Variants in PHACTR2 observed in about 807,000 individuals in gnomAD.
PHACTR2 encodes the protein phosphatase and actin regulator 2.
A neutral mutation model predicts 76.0 loss-of-function variants in PHACTR2; 30 were observed. The observed-to-expected ratio is 0.39, with a 90% confidence interval of 0.30 to 0.54. PHACTR2 has a LOEUF of 0.54. Among genes scored for constraint, PHACTR2 ranks in the 20% least tolerant of loss-of-function variants. The pLI, the probability that PHACTR2 is intolerant of heterozygous loss-of-function variation, is 0.61. For missense variants in PHACTR2, 696 were observed against 781.1 expected, an observed-to-expected ratio of 0.89 and a Z score of 1.30; for synonymous variants, 292 against 292.5, an observed-to-expected ratio of 1.00 and a Z score of 0.02.
chr6:143,691,183 T>A (rs1470442763), intron 1 of PHACTR2, among the ~76,000 whole-genome samples: 2 of 152,178 alleles, frequency 1.3e-5, no homozygotes, highest in Non-Finnish European at 2.9e-5. Flanking sequence ...ACTGTACAGA[T>A]GGTCCTCAAC....
chr6:143,576,769 G>A (rs570216885), intron 1 of PHACTR2, among the ~76,000 whole-genome samples: 15 of 151,422 alleles, frequency 9.9e-5, no homozygotes, highest in African/African-American at 3.2e-4. Context: ...TCAGCTACTC[G>A]GTAGGTTGAA....
At chr6:143,551,108 C>T (rs917198843) in intron 1 of PHACTR2, among the ~76,000 whole-genome samples, 3 of 151,900 alleles carry the variant, frequency 2.0e-5, no homozygotes, top group African/African-American at 7.2e-5. Flanking sequence ...AAACTCAAAT[C>T]CATTCTTTAA....
At position 143,708,476 on chromosome 6, in the gene PHACTR2, A is replaced by T. The variant is rs566800160; in HGVS notation, c.47-3540A>T. Among the ~76,000 whole-genome samples, 25 of 152,340 alleles carry T rather than the reference A, an allele frequency of 1.6e-4. No individual in the cohort carries two copies. Among genetic ancestry groups the T allele is most frequent in the African/African-American group, 5.3e-4 (22 of 41,572 alleles). Reference sequence around the variant, plus strand: ...AATTAATGCTGAAAACAATCAGGAAATTTTACCTTTCATCTGGGATTTACC... The same window carrying T: ...AATTAATGCTGAAAACAATCAGGAATTTTTACCTTTCATCTGGGATTTACC... On this transcript the variant is annotated intron_variant, in intron 1 of 12. Coordinates refer to ENST00000440869, the MANE Select transcript of PHACTR2 (RefSeq NM_001100164.2). This position sits in a 1 kb window ranked among gnomAD's most constrained non-coding sequence, Gnocchi z 5.5.
intron 2 of PHACTR2, among the ~76,000 whole-genome samples, chr6:143,721,483 T>A (rs1582810161): frequency 6.6e-6 from 1 of 152,242 alleles, no homozygotes; most frequent in African/African-American, 2.4e-5. Flanking sequence ...GTTCTCTCTC[T>A]AGGGCAGGAA....
rs149985318 is a variant in PHACTR2, at chr6:143,555,758, C to T, written c.217+18551C>T. Among the ~76,000 whole-genome samples, 132 of 152,106 alleles carry T rather than the reference C, an allele frequency of 8.7e-4. No homozygotes were observed. The East Asian group carries it at 0.023, about 26-fold the overall frequency. ...TTGAGTAATATTTTTCCTACCTCAT[C>T]GTGTGAATTGTCTTATTGTTTTGGT... On this transcript the variant is annotated intron_variant, in intron 1 of 11. Transcript: ENST00000367584.
At chr6:143,810,622 G>T (rs767223785) in intron 12 of PHACTR2, 10 of 441,468 alleles carry the variant, frequency 2.3e-5, no homozygotes, top group South Asian at 1.6e-4. Context: ...CTTAGCCCAG[G>T]AGTTCTCTAC....
intron 11 of PHACTR2, among the ~76,000 whole-genome samples, chr6:143,804,127 A>G (rs1776016765): frequency 6.6e-6 from 1 of 152,214 alleles, no homozygotes; most frequent in Non-Finnish European, 1.5e-5. Context: ...GAATTTGGGA[A>G]GGGCTCGGCC....
intron 12 of PHACTR2, among the ~76,000 whole-genome samples, chr6:143,808,321 G>A (rs997895461): frequency 2.6e-4 from 40 of 151,798 alleles, no homozygotes. Context: ...CAGAGACAGG[G>A]TTTCACCATG....
rs910106180 is a variant in PHACTR2, at chr6:143,731,177, G to A, written c.215-17808G>A. ...CGCATTTTTCTGGATCAATTGATAT[G>A]GTCATTTCAGTTTTTTTCTTTAGAC... On this transcript the variant is annotated intron_variant, in intron 2 of 12. Transcript: ENST00000440869. This position sits in a 1 kb window ranked among gnomAD's most constrained non-coding sequence, Gnocchi z 4.9. Among the ~76,000 whole-genome samples, 6 of 152,136 alleles carry A rather than the reference G, an allele frequency of 3.9e-5. No homozygotes were observed. Among genetic ancestry groups the A allele is most frequent in the African/African-American group, 1.4e-4 (6 of 41,430 alleles).
chr6:143,619,584 C>T lies in PHACTR2; in HGVS notation c.13+11262C>T, dbSNP rs1776116454. On this transcript the variant is annotated intron_variant, in intron 1 of 11. Coordinates refer to the PHACTR2 transcript ENST00000305766. This position sits in a 1 kb window ranked among gnomAD's most constrained non-coding sequence, Gnocchi z 4.5. ...AGACTGTTGCATGGGAATGGTGGTACATTCTGTTTTCTCTTCCTCCACTTA... is the reference window on the plus strand; with the variant it reads ...AGACTGTTGCATGGGAATGGTGGTATATTCTGTTTTCTCTTCCTCCACTTA... 6.6e-6 allele frequency among the ~76,000 whole-genome samples: 1 copy of T among 152,186 alleles called. No individual in the cohort carries two copies. Among genetic ancestry groups the T allele is most frequent in the Non-Finnish European group, 1.5e-5 (1 of 68,042 alleles).
intron 2 of PHACTR2, among the ~76,000 whole-genome samples, chr6:143,732,891 GATTT>G (rs1157093067): frequency 6.6e-6 from 1 of 151,794 alleles, no homozygotes; most frequent in East Asian, 1.9e-4. Flanking sequence ...TTTCTTTTCT[GATTT>G]ATTTATTTAT....
At chr6:143,566,027 A>T (rs1350679152) in intron 1 of PHACTR2, among the ~76,000 whole-genome samples, 2 of 152,174 alleles carry the variant, frequency 1.3e-5, no homozygotes, top group African/African-American at 4.8e-5. Flanking sequence ...AATGAGACAC[A>T]GTGAAGGGCT....
rs910205558 is a variant in PHACTR2, at chr6:143,722,569, G to A, written c.214+10386G>A. On this transcript the variant is annotated intron_variant, in intron 2 of 12. Transcript: ENST00000440869. This position sits in a 1 kb window ranked among gnomAD's most constrained non-coding sequence, Gnocchi z 4.1. ...ATACAATGTGTAATGTTTAAATCAAGGTAATTGAGATATACATCACCTCAA... is the reference window on the plus strand; with the variant it reads ...ATACAATGTGTAATGTTTAAATCAAAGTAATTGAGATATACATCACCTCAA... Among the ~76,000 whole-genome samples the A allele has an allele frequency of 1.3e-5, 2 of 151,960 alleles. No individual in the cohort carries two copies. Among genetic ancestry groups the A allele is most frequent in the African/African-American group, 4.8e-5 (2 of 41,352 alleles).
intron 2 of PHACTR2, among the ~76,000 whole-genome samples, chr6:143,712,920 T>A (rs778597547): frequency 2.6e-5 from 4 of 152,242 alleles, no homozygotes; most frequent in Non-Finnish European, 5.9e-5. Context: ...TGGCTTTAAA[T>A]CTCAGGCCAG....
At position 143,697,125 on chromosome 6, in the gene PHACTR2, G is replaced by T. The variant is rs1358594489; in HGVS notation, c.47-14891G>T. Among the ~76,000 whole-genome samples the T allele has an allele frequency of 5.3e-5, 8 of 152,196 alleles. No individual in the cohort carries two copies. The highest frequency in any genetic ancestry group is 3.3e-4 in the Admixed American group (5 of 15,284). On this transcript the variant is annotated intron_variant, in intron 1 of 12. Transcript: ENST00000440869. The surrounding 1 kb of genome is among the most constrained non-coding windows in gnomAD (Gnocchi z 4.4). ...TCTGTCATAATGCTATATTATCAAA[G>T]AATTTAATTTCAGATTAAAATGGTT... is the stretch of plus-strand genomic sequence containing the variant.
intron 2 of PHACTR2, among the ~76,000 whole-genome samples, chr6:143,737,661 T>C (rs1249330625): frequency 1.3e-5 from 2 of 152,220 alleles, no homozygotes; most frequent in South Asian, 2.1e-4. Flanking sequence ...ACCTTAAGTG[T>C]TACAGTTTCA....
chr6:143,657,391 C>T (rs898410322), intron 1 of PHACTR2, among the ~76,000 whole-genome samples: 1 of 152,072 alleles, frequency 6.6e-6, no homozygotes, highest in Non-Finnish European at 1.5e-5. Context: ...CCCAGTCAGT[C>T]CCCACCGAGG....
chr6:143,785,144 A>G (rs570820301), intron 10 of PHACTR2, among the ~76,000 whole-genome samples: 1 of 152,168 alleles, frequency 6.6e-6, no homozygotes, highest in African/African-American at 2.4e-5. Flanking sequence ...AATCCCTTCC[A>G]CCCATGAGCC....
In PHACTR2 at chr6:143,689,802, C is replaced by T. The variant is rs975983013; in HGVS notation, c.46+11593C>T. Among the ~76,000 whole-genome samples the T allele has an allele frequency of 2.0e-5, 3 of 151,428 alleles. No homozygotes were observed. The highest frequency in any genetic ancestry group is 4.2e-4 in the South Asian group (2 of 4,764). On this transcript the variant is annotated intron_variant, in intron 1 of 12. Transcript: ENST00000440869. This position sits in a 1 kb window ranked among gnomAD's most constrained non-coding sequence, Gnocchi z 4.4. ...CCGGCTCCTGGGTTCAAGTGATTCT[C>T]CTGCCTCAGCCTCCCGATTAGCTGG...
Sources: allele counts gnomAD v4.1 joint callset (sites outside exome capture counted in the v4.1 genomes callset), GRCh38; gene constraint gnomAD v4.1.1; non-coding constraint Gnocchi (gnomAD v3.1); transcripts MANE v1.5; gene names NCBI Gene and HGNC (gene_info 2026-07-23, HGNC 2026-07-21).